The following MIR2052HG variants were observed in gnomAD, a reference collection of about 807,000 sequenced individuals.
MIR2052HG encodes the protein MIR2052 host gene.
intron 1 of MIR2052HG, among the ~76,000 whole-genome samples, chr8:74,600,359 C>A (rs547666609): frequency 2.7e-5 from 4 of 150,472 alleles, no homozygotes; most frequent in Non-Finnish European, 5.9e-5. Flanking sequence ...CCGAGGTGGG[C>A]GGATCACTTG....
rs1367846619 is a variant in MIR2052HG at position 74,732,638 on chromosome 8, G to A, written n.372-19803G>A. Among the ~76,000 whole-genome samples, 10 of 152,266 alleles carry A rather than the reference G, an allele frequency of 6.6e-5. No individual in the cohort carries two copies. In the East Asian group the frequency reaches 1.2e-3, roughly 18 times the overall value. ...TGGGAAAAGATGATAGCCAGTGAAA[G>A]GTAGCTTGGAAGAATGCTGTTATTT... On this transcript the variant is annotated intron_variant and non_coding_transcript_variant, in intron 4 of 6. Coordinates refer to ENST00000523442, the Ensembl canonical transcript of MIR2052HG.
At chr8:74,670,223 G>T (rs1808975887) in intron 2 of MIR2052HG, among the ~76,000 whole-genome samples, 1 of 152,138 alleles carries the variant, frequency 6.6e-6, no homozygotes, top group Non-Finnish European at 1.5e-5. Flanking sequence ...GAAGATTGGG[G>T]TACCATCTGT....
chr8:74,746,332 G>T (rs1809884977), intron 4 of MIR2052HG, among the ~76,000 whole-genome samples: 1 of 152,126 alleles, frequency 6.6e-6, no homozygotes, highest in Non-Finnish European at 1.5e-5. Context: ...ATTCATTTCA[G>T]TTCGACTTAA....
intron 4 of MIR2052HG, among the ~76,000 whole-genome samples, chr8:74,742,191 T>C (rs1307745970): frequency 6.6e-6 from 1 of 152,158 alleles, no homozygotes; most frequent in East Asian, 1.9e-4. Context: ...AAATACAAGA[T>C]CACAAAAGAT....
intron 2 of MIR2052HG, among the ~76,000 whole-genome samples, chr8:74,649,732 T>C (rs1808732983): frequency 6.6e-6 from 1 of 152,160 alleles, no homozygotes; most frequent in Non-Finnish European, 1.5e-5. Flanking sequence ...TATATGTTTC[T>C]CATGGGTAGT....
intron 1 of MIR2052HG, chr8:74,612,315 A>ACT (rs1808209608): frequency 6.5e-6 from 1 of 153,506 alleles, no homozygotes; most frequent in Non-Finnish European, 1.4e-5. Context: ...CATTCAGAGA[A>ACT]CTGTCCTGCA....
At chr8:74,723,907 T>G (rs1809606693) in intron 4 of MIR2052HG, among the ~76,000 whole-genome samples, 1 of 152,218 alleles carries the variant, frequency 6.6e-6, no homozygotes. Context: ...TGAAGCAAGA[T>G]TTTTCTTTTT....
At chr8:74,603,039 C>CAA (rs34579564) in intron 1 of MIR2052HG, among the ~76,000 whole-genome samples, 17,208 of 123,790 alleles carry the variant, frequency 0.14, 1,418 homozygotes, top group Middle Eastern at 0.28. Flanking sequence ...AACAAAACAC[C>CAA]AAAAAAAAAA....
In MIR2052HG at chr8:74,603,658, GTA is replaced by G. The variant is rs994825879; in HGVS notation, n.128+3753_128+3754del. 1.5e-5 allele frequency: 17 copies of G among 1,144,966 alleles called. No homozygotes were observed. The African/African-American group carries it at 2.6e-4, about 17-fold the overall frequency. 70.9% of individuals were successfully genotyped at this position (1,144,966 alleles called of 1,614,324 possible). A position where few individuals can be genotyped will look rare whatever the true frequency, so the allele number is the denominator to read the frequency against. On this transcript the variant is annotated intron_variant and non_coding_transcript_variant, in intron 1 of 6. Coordinates refer to ENST00000523442, the Ensembl canonical transcript of MIR2052HG. ...TGGAATGGCAAACTGTCCTTGAAGG[GTA>G]TAGGCCTGACCGCCTGCAAAGATGA...
At chr8:74,752,463 A>G (rs989623362) in exon 5 of MIR2052HG, 1 of 455,276 alleles carries the variant, frequency 2.2e-6, no homozygotes, top group Non-Finnish European at 4.4e-6. Flanking sequence ...TCCAGCCACC[A>G]GATCAACACA....
intron 4 of MIR2052HG, among the ~76,000 whole-genome samples, chr8:74,717,813 A>T (rs982493809): frequency 1.3e-5 from 2 of 152,094 alleles, no homozygotes; most frequent in Admixed American, 6.6e-5. Flanking sequence ...GTCTCAAAAA[A>T]AGAAAAAAAA....
intron 4 of MIR2052HG, among the ~76,000 whole-genome samples, chr8:74,743,889 A>G (rs1273448731): frequency 6.6e-6 from 1 of 152,220 alleles, no homozygotes; most frequent in Non-Finnish European, 1.5e-5. Context: ...CAAACCTCAC[A>G]AGAAAATCAC....
intron 2 of MIR2052HG, among the ~76,000 whole-genome samples, chr8:74,692,472 G>A (rs983188505): frequency 6.6e-6 from 1 of 152,178 alleles, no homozygotes. Context: ...CACTAAGGAG[G>A]TAGAAAGTGA....
At chr8:74,652,492 C>A (rs1247067222) in intron 2 of MIR2052HG, among the ~76,000 whole-genome samples, 1 of 152,154 alleles carries the variant, frequency 6.6e-6, no homozygotes, top group Non-Finnish European at 1.5e-5. Flanking sequence ...TTTATTACCT[C>A]AAATTATTGA....
intron 2 of MIR2052HG, among the ~76,000 whole-genome samples, chr8:74,698,947 T>TAAGAACATGA (rs898040008): frequency 2.0e-5 from 3 of 151,734 alleles, no homozygotes; most frequent in African/African-American, 7.3e-5. Flanking sequence ...AGAAAAGGGT[T>TAAGAACATGA]AAGAACATGA....
At chr8:74,604,125 G>A (rs1322537147) in intron 1 of MIR2052HG, 1 of 897,626 alleles carries the variant, frequency 1.1e-6, no homozygotes, top group Non-Finnish European at 1.9e-6. Context: ...CACTCTCCTC[G>A]CGCATCTTCT....
intron 4 of MIR2052HG, among the ~76,000 whole-genome samples, chr8:74,751,187 G>A (rs767627066): frequency 4.5e-4 from 68 of 152,202 alleles, no homozygotes; most frequent in Admixed American, 1.9e-3. Flanking sequence ...AGCTGGGCTT[G>A]AACGTGGTAA....
chr8:74,751,286 T>A (rs572470935), intron 4 of MIR2052HG, among the ~76,000 whole-genome samples: 3 of 152,224 alleles, frequency 2.0e-5, no homozygotes, highest in African/African-American at 7.2e-5. Flanking sequence ...TATTTCTTGC[T>A]GATTTTACTG....
At chr8:74,610,041 C>A (rs896864404) in intron 1 of MIR2052HG, 1 of 151,546 alleles carries the variant, frequency 6.6e-6, no homozygotes, top group African/African-American at 2.4e-5. Flanking sequence ...CACCAACTAC[C>A]TGTAATGGAA....
Sources: gnomAD v4.1 joint callset for allele counts (sites outside exome capture counted in the v4.1 genomes callset) on GRCh38, gnomAD v4.1.1 for gene constraint, MANE v1.5 for transcripts, NCBI Gene and HGNC (gene_info 2026-07-23, HGNC 2026-07-21) for gene names.